The following WDR27 variants were observed in gnomAD, a reference collection of about 807,000 sequenced individuals.
WDR27 encodes the protein WD repeat-containing protein 27.
WDR27 carries 100 observed loss-of-function variants against 114.4 expected under a neutral mutation model. That is an observed-to-expected ratio of 0.87 (90% CI 0.74 to 1.03). WDR27 has a LOEUF of 1.03. Among genes scored for constraint, WDR27 ranks in the 50% least tolerant of loss-of-function variants. The pLI is 0.00. For missense variants in WDR27, 1,129 were observed against 1,092.9 expected (o/e 1.03, Z -0.47); for synonymous variants, 449 against 423.1 (o/e 1.06, Z -0.75).
intron 4 of WDR27, among the ~76,000 whole-genome samples, chr6:169,669,255 C>T (rs56347333): frequency 0.021 from 3,188 of 152,340 alleles, 40 homozygotes; most frequent in Middle Eastern, 0.095. Flanking sequence ...GAGCACTTCA[C>T]GGACTCACGT....
intron 25 of WDR27, among the ~76,000 whole-genome samples, chr6:169,476,589 T>A (rs1341009211): frequency 6.6e-6 from 1 of 152,206 alleles, no homozygotes; most frequent in Non-Finnish European, 1.5e-5. Flanking sequence ...GACTCCACCA[T>A]GCTTCGTCAC....
rs752398219 is a variant in WDR27 at position 169,672,313 on chromosome 6, T to C, written c.273A>G (p.Ala91=). ...NKVNPLLICS[A]SLDYVIMWNL... is the part of the protein sequence containing the mutation. ...TCCACATTATAACATAATCCAGTGA[T>C]GCTGAGCAGATTAGAAGTGGGTTCA... The change falls in exon 3 of 26, where the codon GCA becomes GCG. Residue 91 remains alanine (A), a synonymous_variant. Transcript: ENST00000448612. 1.1e-5 allele frequency: 18 copies of C among 1,613,708 alleles called. No individual in the cohort carries two copies. Among genetic ancestry groups the C allele is most frequent in the Middle Eastern group, 3.3e-4 (2 of 6,082 alleles).
intron 23 of WDR27, among the ~76,000 whole-genome samples, chr6:169,601,186 C>A (rs1319764878): frequency 6.6e-6 from 1 of 152,142 alleles, no homozygotes; most frequent in Non-Finnish European, 1.5e-5. Context: ...GAATTTTCAA[C>A]CCAGAATTTC....
Position 169,634,443 on chromosome 6 carries a change from T to A in WDR27, c.2086A>T (p.Asn696Tyr). The change falls in exon 20 of 26, where the codon AAC becomes TAC. Residue 696 changes from asparagine (N) to tyrosine (Y), a missense_variant. Coordinates refer to ENST00000448612, the MANE Select transcript of WDR27 (RefSeq NM_182552.5). ...GAAAGGATACGGGAATAAAAGTCGTTGACTGCCGATAAACTGGTCATGTCT... is the reference window on the plus strand; with the variant it reads ...GAAAGGATACGGGAATAAAAGTCGTAGACTGCCGATAAACTGGTCATGTCT... ...AVDMTSLSAV[N>Y]DFYSHIVLAA... 1 of 1,612,558 alleles carries A rather than the reference T, an allele frequency of 6.2e-7. No individual in the cohort carries two copies. Among genetic ancestry groups the A allele is most frequent in the Non-Finnish European group, 8.5e-7 (1 of 1,179,320 alleles).
intron 21 of WDR27, among the ~76,000 whole-genome samples, chr6:169,632,505 T>G (rs1816675353): frequency 6.6e-6 from 1 of 152,172 alleles, no homozygotes; most frequent in African/African-American, 2.4e-5. Flanking sequence ...AATGCCACCC[T>G]TTAACCTACC....
intron 25 of WDR27, among the ~76,000 whole-genome samples, chr6:169,491,789 A>G (rs1789799834): frequency 6.6e-6 from 1 of 152,150 alleles, no homozygotes; most frequent in Non-Finnish European, 1.5e-5. Flanking sequence ...AGGTAGTTAC[A>G]TGGCTAGATG....
chr6:169,467,328 C>T (rs1347120623), intron 25 of WDR27, among the ~76,000 whole-genome samples: 4 of 152,190 alleles, frequency 2.6e-5, no homozygotes, highest in Non-Finnish European at 5.9e-5. Flanking sequence ...GGCAGTGCCC[C>T]AGTGGGGACT....
rs181576807 is a variant in WDR27, at chr6:169,631,815, C to T, written c.2223+1132G>A. On this transcript the variant is annotated intron_variant, in intron 21 of 25. Coordinates refer to ENST00000448612, the MANE Select transcript of WDR27 (RefSeq NM_182552.5). ...TTAACTTAGCAGCCCAGAATCTTTG[C>T]TCTTTCTGATTTGAACTGATTAAAA... is the stretch of plus-strand genomic sequence containing the variant. 2.3e-4 allele frequency among the ~76,000 whole-genome samples: 35 copies of T among 152,270 alleles called. No homozygotes were observed. In the East Asian group the frequency reaches 2.9e-3, roughly 13 times the overall value.
At chr6:169,589,745 T>C (rs879320436) in intron 23 of WDR27, among the ~76,000 whole-genome samples, 1 of 152,174 alleles carries the variant, frequency 6.6e-6, no homozygotes, top group African/African-American at 2.4e-5. Context: ...ATAAGCCTCT[T>C]GTATGACACA....
rs371902451 is a variant in WDR27, at chr6:169,658,299, T to C, written c.1379A>G (p.Lys460Arg). 2.7e-5 allele frequency: 43 copies of C among 1,601,704 alleles called. No individual in the cohort carries two copies. The African/African-American group carries it at 5.5e-4, about 20-fold the overall frequency. Residue 460 changes from lysine (K) to arginine (R), a missense_variant, in exon 13 of 26, where the codon AAG becomes AGG. Lys to Arg is a conservative substitution (Grantham distance 26). Transcript: ENST00000448612. ...ACCACGTCGCTGTTCACTAGCAGCC[T>C]TGGTACTCTTCTCCTTGGCAATTCC... ...YLGIAKEKST[K>R]AASEQRRAAR...
intron 25 of WDR27, among the ~76,000 whole-genome samples, chr6:169,517,742 T>C (rs1006913950): frequency 2.0e-5 from 3 of 152,196 alleles, no homozygotes; most frequent in Admixed American, 1.3e-4. Context: ...GGATATAGAA[T>C]GATTGGTTGA....
rs748389784 is a variant in WDR27, at chr6:169,613,673, G to A, written c.2224-17C>T. The A allele has an allele frequency of 1.9e-6, 3 of 1,593,736 alleles. No homozygotes were observed. Among genetic ancestry groups the A allele is most frequent in the Non-Finnish European group, 2.6e-6 (3 of 1,162,368 alleles). ...TGATGAACCCTATAATTTTAAGGGG[G>A]AAATCAAGATGTACTTTCAAAGGTT... is the stretch of plus-strand genomic sequence containing the variant. On this transcript the variant is annotated splice_polypyrimidine_tract_variant and intron_variant, in intron 21 of 25. Transcript: ENST00000448612.
At chr6:169,635,522 G>A (rs932501219) in intron 19 of WDR27, among the ~76,000 whole-genome samples, 1 of 152,204 alleles carries the variant, frequency 6.6e-6, no homozygotes, top group African/African-American at 2.4e-5. Flanking sequence ...AGTCACTCCT[G>A]GGATGCTGTG....
intron 25 of WDR27, among the ~76,000 whole-genome samples, chr6:169,533,160 T>G (rs1251289919): frequency 6.6e-6 from 1 of 151,844 alleles, no homozygotes; most frequent in Non-Finnish European, 1.5e-5. Flanking sequence ...CAAGGGAAGA[T>G]GAGGATTAGC....
intron 1 of WDR27, among the ~76,000 whole-genome samples, chr6:169,701,220 T>C (rs1182807048): frequency 6.6e-6 from 1 of 152,228 alleles, no homozygotes; most frequent in Non-Finnish European, 1.5e-5. Context: ...GTTTTTTTAA[T>C]GTACATACGA....
chr6:169,519,589 G>A (rs908697349), intron 25 of WDR27, among the ~76,000 whole-genome samples: 3 of 151,994 alleles, frequency 2.0e-5, no homozygotes, highest in Non-Finnish European at 2.9e-5. Context: ...TGTAAGGAGA[G>A]CACCAAGCCA....
At chr6:169,488,827 G>A (rs1028014916) in intron 25 of WDR27, among the ~76,000 whole-genome samples, 2 of 152,134 alleles carry the variant, frequency 1.3e-5, no homozygotes, top group Non-Finnish European at 2.9e-5. Context: ...TCTGTACCTC[G>A]GTGGGGATGG....
At chr6:169,462,734 A>G (rs1175465136) in intron 25 of WDR27, among the ~76,000 whole-genome samples, 1 of 152,194 alleles carries the variant, frequency 6.6e-6, no homozygotes, top group Non-Finnish European at 1.5e-5. Context: ...TAGCAAATGG[A>G]ATTCAGCAGC....
chr6:169,565,630 G>A (rs1280554668), intron 25 of WDR27, among the ~76,000 whole-genome samples: 1 of 152,262 alleles, frequency 6.6e-6, no homozygotes, highest in East Asian at 1.9e-4. Context: ...TGTTCCTAAA[G>A]AGTCAATGTT....
Sources: allele counts gnomAD v4.1 joint callset (sites outside exome capture counted in the v4.1 genomes callset), GRCh38; gene constraint gnomAD v4.1.1; transcripts MANE v1.5; gene names NCBI Gene and HGNC (gene_info 2026-07-23, HGNC 2026-07-21).